LHX8: variants seen among roughly 807,000 people sequenced by gnomAD.
LHX8 encodes the protein LIM homeobox 8, also known as LIM/homeobox protein Lhx8.
In LHX8, 12 loss-of-function variants were observed where a neutral mutation model predicts 40.3. The ratio of observed to expected loss-of-function variants is 0.30; its 90% CI spans 0.19 to 0.48. The LOEUF is 0.48. LHX8 is among the 20% of genes least tolerant of loss of function. The pLI is 0.99. For missense variants in LHX8, 344 were observed against 433.7 expected, an observed-to-expected ratio of 0.79 and a Z score of 1.84; for synonymous variants, 179 against 162.0, an observed-to-expected ratio of 1.10 and a Z score of -0.80.
At chr1:75,145,624 A>AG (rs1057389690) in intron 6 of LHX8, among the ~76,000 whole-genome samples, 4 of 152,152 alleles carry the variant, frequency 2.6e-5, no homozygotes, top group Non-Finnish European at 5.9e-5. Context: ...CAAACCACCA[A>AG]GGGAGTGGTT....
Position 75,161,221 on chromosome 1 carries a change from CA to C in LHX8, c.*330del. The C allele has an allele frequency of 3.9e-6, 1 of 255,366 alleles. No individual in the cohort carries two copies. The highest frequency in any genetic ancestry group is 7.6e-6 in the Non-Finnish European group (1 of 131,772). The allele number at this position is 255,366 out of a possible 1,614,324, so 15.8% of individuals were successfully genotyped here. The stretch of plus-strand genomic sequence containing the variant: ...CTAAAAGAAAGGACTGACAAGTGTG[CA>C]AAATGTTTACAATCTTTTGTGAAAT... On this transcript the variant is annotated 3_prime_UTR_variant, in exon 9 of 9. Transcript: ENST00000356261.
intron 3 of LHX8, among the ~76,000 whole-genome samples, chr1:75,137,481 T>C (rs1016514846): frequency 6.6e-6 from 1 of 152,138 alleles, no homozygotes; most frequent in Non-Finnish European, 1.5e-5. Flanking sequence ...AGCTAATGTG[T>C]GACACATCCT....
At chr1:75,131,013 C>G, upstream of LHX8, 1 of 497,016 alleles carries the variant, frequency 2.0e-6, no homozygotes, top group Non-Finnish European at 3.6e-6. Context: ...CCACTGTACC[C>G]TTGGCGCTGG....
At chr1:75,189,218 G>A in the LHX8 span, among the ~76,000 whole-genome samples, 1 of 152,178 alleles carries the variant, frequency 6.6e-6, no homozygotes, top group African/African-American at 2.4e-5. Context: ...CAAAACATAA[G>A]CAGGCTGCTT....
intron 7 of LHX8, among the ~76,000 whole-genome samples, chr1:75,151,825 T>C (rs1290428372): frequency 6.6e-6 from 1 of 152,236 alleles, no homozygotes; most frequent in East Asian, 1.9e-4. Context: ...GAGCTTTTCA[T>C]ATTTGAAGGA....
At chr1:75,184,695 G>A in the LHX8 span, among the ~76,000 whole-genome samples, 388 of 151,908 alleles carry the variant, frequency 2.6e-3, 1 homozygote, top group African/African-American at 8.4e-3. Flanking sequence ...ACTTAACATC[G>A]CAGCTAAAAG....
At chr1:75,183,513 A>G in the LHX8 span, among the ~76,000 whole-genome samples, 4 of 152,178 alleles carry the variant, frequency 2.6e-5, no homozygotes, top group African/African-American at 9.7e-5. Flanking sequence ...AGAATTACAT[A>G]TCCAGCCAAA....
In LHX8 at chr1:75,136,653, C is replaced by T. The variant is rs1158107952; in HGVS notation, c.39C>T (p.Ala13=). The T allele has an allele frequency of 1.3e-6, 2 of 1,548,694 alleles. No individual in the cohort carries two copies. The highest frequency in any genetic ancestry group is 1.7e-6 in the Non-Finnish European group (2 of 1,146,756). ...EECGRTTALA[A]GRTRKGAGEE... ...GCGGGCGGACTACAGCCCTGGCGGC[C>T]GGGAGGACTCGCAAAGGCGCCGGGG... Residue 13 remains alanine, a synonymous_variant, in exon 2 of 9, where the codon GCC becomes GCT. Coordinates refer to ENST00000356261, the MANE Select transcript of LHX8 (RefSeq NM_001256114.2).
At chr1:75,160,694 G>A (rs187782211) in intron 8 of LHX8, 125 bp from the exon 9 acceptor site, 18 of 740,710 alleles carry the variant, frequency 2.4e-5, no homozygotes, top group Admixed American at 2.4e-4. Flanking sequence ...AGTGGAATGA[G>A]TGTAGCTTGG....
chr1:75,153,868 A>G (rs1648683339), intron 7 of LHX8, among the ~76,000 whole-genome samples: 1 of 152,134 alleles, frequency 6.6e-6, no homozygotes, highest in African/African-American at 2.4e-5. Context: ...CTCTCTTTCA[A>G]ATGATAAACT....
At chr1:75,168,761 G>T in the LHX8 span, among the ~76,000 whole-genome samples, 2 of 152,228 alleles carry the variant, frequency 1.3e-5, no homozygotes, top group East Asian at 3.9e-4. Context: ...TTAGAGCCTG[G>T]TTCCAATTCC....
chr1:75,172,121 A>G, the LHX8 span, among the ~76,000 whole-genome samples: 4 of 152,254 alleles, frequency 2.6e-5, no homozygotes, highest in South Asian at 8.3e-4. Flanking sequence ...ACAATACTTC[A>G]ATTCCATTTT....
the LHX8 span, among the ~76,000 whole-genome samples, chr1:75,194,724 G>A: frequency 6.6e-6 from 1 of 152,160 alleles, no homozygotes; most frequent in Non-Finnish European, 1.5e-5. Context: ...CATTGCCTGT[G>A]TAAGGAGGAA....
the LHX8 span, among the ~76,000 whole-genome samples, chr1:75,167,965 C>G: frequency 6.6e-6 from 1 of 152,122 alleles, no homozygotes; most frequent in Admixed American, 6.5e-5. Flanking sequence ...TCTGAGTTAC[C>G]CAAATTGGCT....
chr1:75,162,551 T>C (rs2100369245), downstream of LHX8, among the ~76,000 whole-genome samples: 1 of 149,162 alleles, frequency 6.7e-6, no homozygotes, highest in African/African-American at 2.5e-5. Context: ...CCTGTGCTCA[T>C]CATCCTCTGA....
chr1:75,136,493 G>T, intron 1 of LHX8, 110 bp from the exon 2 acceptor site: 1 of 825,782 alleles, frequency 1.2e-6, no homozygotes, highest in Non-Finnish European at 2.0e-6. Flanking sequence ...GCGCTGCCCC[G>T]CACTCTGAGG....
the LHX8 span, among the ~76,000 whole-genome samples, chr1:75,170,412 C>A: frequency 6.6e-6 from 1 of 152,134 alleles, no homozygotes; most frequent in Non-Finnish European, 1.5e-5. Context: ...CAAAAACAAA[C>A]ACAAAGCCAG....
At chr1:75,155,616 T>G (rs562294890) in intron 7 of LHX8, among the ~76,000 whole-genome samples, 1 of 152,300 alleles carries the variant, frequency 6.6e-6, no homozygotes, top group African/African-American at 2.4e-5. Context: ...GGAAGCATTC[T>G]GGGCAGCCTA....
the LHX8 span, among the ~76,000 whole-genome samples, chr1:75,186,677 T>C: frequency 2.6e-5 from 4 of 152,142 alleles, no homozygotes. Flanking sequence ...AGAGGATGGT[T>C]TCTGAGAACT....
Sources: gnomAD v4.1 joint callset for allele counts (sites outside exome capture counted in the v4.1 genomes callset) on GRCh38, gnomAD v4.1.1 for gene constraint, MANE v1.5 for transcripts, NCBI Gene and HGNC (gene_info 2026-07-23, HGNC 2026-07-21) for gene names.